The following SLC9A6 variants were observed in gnomAD, a reference collection of about 807,000 sequenced individuals.
SLC9A6 encodes the protein solute carrier family 9 member A6.
Under a neutral mutation model 45.3 loss-of-function variants are expected in SLC9A6, and 6 were observed. The ratio of observed to expected loss-of-function variants is 0.13; its 90% CI spans 0.07 to 0.26. The LOEUF (loss-of-function observed/expected upper bound fraction) is 0.26, where lower values mean the gene tolerates loss of function less well. Ranked by LOEUF, SLC9A6 falls within the 10% of genes least tolerant of loss-of-function variation. The pLI is 1.00. For synonymous variants in SLC9A6, 191 were observed against 187.7 expected (o/e 1.02, Z -0.14); for missense variants, 278 against 503.7 (o/e 0.55, Z 4.29).
intron 6 of SLC9A6, among the ~76,000 whole-genome samples, chrX:136,001,113 A>G (rs2089575070): frequency 9.0e-6 from 1 of 111,032 alleles, no homozygotes; most frequent in Admixed American, 9.6e-5. Context: ...AGACAGGTGG[A>G]TCATGAGGTC....
At chrX:135,974,105 T>C (rs868966291), upstream of SLC9A6, 1 of 4,837 alleles carries the variant, frequency 2.1e-4, no homozygotes, top group East Asian at 4.1e-3. Context: ...ACGGGCGGGG[T>C]GGGGAAGACG....
chrX:136,008,625 A>G (rs966407811), intron 7 of SLC9A6, among the ~76,000 whole-genome samples: 9 of 112,382 alleles, frequency 8.0e-5, no homozygotes, highest in Non-Finnish European at 1.3e-4. Flanking sequence ...GCTAAATAAG[A>G]ATTAGCATGC....
rs890872970 is a variant in SLC9A6 at position 136,045,114 on chromosome X, G to A, written c.*390G>A. 1 of 148,665 alleles carries A rather than the reference G, an allele frequency of 6.7e-6. No homozygotes were observed. The highest frequency in any genetic ancestry group is 1.8e-4 in the East Asian group (1 of 5,544). 12.3% of individuals were successfully genotyped at this position (148,665 alleles called of 1,213,427 possible). A position where few individuals can be genotyped will look rare whatever the true frequency, so the allele number is the denominator to read the frequency against. On this transcript the variant is annotated 3_prime_UTR_variant, in exon 18 of 18. Coordinates refer to ENST00000630721, the MANE Select transcript of SLC9A6 (RefSeq NM_001379110.1). Reference sequence around the variant, plus strand: ...TGTGTGCTAGGGGAGGGAGAGTGAGGAGGGAGTGTTATTTCCTTGGGAACC... The same window carrying A: ...TGTGTGCTAGGGGAGGGAGAGTGAGAAGGGAGTGTTATTTCCTTGGGAACC...
chrX:136,000,790 A>G (rs2089570042), intron 6 of SLC9A6, among the ~76,000 whole-genome samples: 1 of 111,396 alleles, frequency 9.0e-6, no homozygotes, highest in African/African-American at 3.3e-5. Context: ...TGGTATCAGT[A>G]TATTCCAGCT....
intron 2 of SLC9A6, among the ~76,000 whole-genome samples, chrX:135,993,241 A>G (rs2089457442): frequency 8.9e-6 from 1 of 111,823 alleles, no homozygotes; most frequent in African/African-American, 3.3e-5. Context: ...AGGTCCATAA[A>G]GAAAGAAAGT....
intron 2 of SLC9A6, among the ~76,000 whole-genome samples, chrX:135,988,819 G>A (rs2089386219): frequency 9.2e-6 from 1 of 108,654 alleles, no homozygotes; most frequent in African/African-American, 3.4e-5. Flanking sequence ...TTCCCATGTT[G>A]CCCAGGCTGG....
intron 10 of SLC9A6, among the ~76,000 whole-genome samples, chrX:136,015,485 T>C (rs782497512): frequency 1.8e-4 from 20 of 111,485 alleles, no homozygotes; most frequent in African/African-American, 6.5e-4. Flanking sequence ...AGGAGGAAGT[T>C]CCATAACTTC....
chrX:135,981,274 G>A (rs2089284358), upstream of SLC9A6, among the ~76,000 whole-genome samples: 3 of 111,335 alleles, frequency 2.7e-5, no homozygotes, highest in African/African-American at 9.8e-5. Flanking sequence ...TATGGCAGCA[G>A]GAAACAAAAA....
At chrX:136,029,043 A>T (rs1296203816) in intron 14 of SLC9A6, 68 bp downstream of exon 14, 2 of 283,233 alleles carry the variant, frequency 7.1e-6, no homozygotes, top group African/African-American at 5.6e-5. Flanking sequence ...GCAGATGCAC[A>T]GAGGAGAAAA....
At chrX:136,006,150 T>C (rs2089653213) in intron 7 of SLC9A6, among the ~76,000 whole-genome samples, 1 of 111,743 alleles carries the variant, frequency 8.9e-6, no homozygotes, top group African/African-American at 3.3e-5. Context: ...TTTTCTTAGT[T>C]TGAGGATTAT....
At chrX:136,006,211 C>G (rs782812193) in intron 7 of SLC9A6, among the ~76,000 whole-genome samples, 10 of 111,544 alleles carry the variant, frequency 9.0e-5, no homozygotes, top group African/African-American at 2.9e-4. Context: ...GGAGGGAACC[C>G]CTTTTTGAAG....
intron 13 of SLC9A6, among the ~76,000 whole-genome samples, chrX:136,025,152 T>G (rs1556620445): frequency 8.9e-6 from 1 of 112,590 alleles, no homozygotes; most frequent in East Asian, 2.8e-4. Flanking sequence ...TATTATCATT[T>G]TTCTCATCAG....
Position 135,985,534 on chromosome X carries a change from T to A in SLC9A6, c.-57+57T>A. On this transcript the variant is annotated intron_variant, in intron 1 of 17. Transcript: ENST00000630721. ...CGGCGCGGCTGGCGGCGGGCACCCC[T>A]CCGCCGTGGCGTCGGCAGCAGTCCC... The A allele has an allele frequency of 1.7e-6, 2 of 1,152,777 alleles. 1 individual carries two copies. Among genetic ancestry groups the A allele is most frequent in the Non-Finnish European group, 2.3e-6 (2 of 867,562 alleles).
At chrX:135,980,278 A>G (rs1350134886), upstream of SLC9A6, among the ~76,000 whole-genome samples, 3 of 108,889 alleles carry the variant, frequency 2.8e-5, no homozygotes, top group Admixed American at 9.9e-5. Context: ...CAGTGGTGCA[A>G]TCTCGGCTCA....
intron 16 of SLC9A6, among the ~76,000 whole-genome samples, chrX:136,036,517 A>G (rs2071415512): frequency 9.0e-6 from 1 of 111,292 alleles, no homozygotes; most frequent in Non-Finnish European, 1.9e-5. Flanking sequence ...AGTCTATTAC[A>G]TTTTGTTTAT....
intron 1 of SLC9A6, among the ~76,000 whole-genome samples, chrX:135,976,049 T>C (rs1354646232): frequency 3.7e-5 from 4 of 108,777 alleles, no homozygotes; most frequent in South Asian, 3.9e-4. Context: ...ACTTTACTTA[T>C]ATAATTTTTG....
At chrX:136,003,167 T>G (rs1174963103) in intron 7 of SLC9A6, among the ~76,000 whole-genome samples, 13 of 109,952 alleles carry the variant, frequency 1.2e-4, no homozygotes, top group Non-Finnish European at 1.9e-5. Context: ...TTTTGTATTT[T>G]TAGTAGAGAC....
At position 135,985,835 on chromosome X, in the gene SLC9A6, C is replaced by A. The variant is rs1556614867; in HGVS notation, c.169+8C>A. On this transcript the variant is annotated splice_region_variant and intron_variant, in intron 2 of 17. Coordinates refer to ENST00000630721, the MANE Select transcript of SLC9A6 (RefSeq NM_001379110.1). ...GCCTGGCTATGATTTATGGCAAGTTCCTCAACCCTTGTCAGCCCCTTGGCG... is the reference window on the plus strand; with the variant it reads ...GCCTGGCTATGATTTATGGCAAGTTACTCAACCCTTGTCAGCCCCTTGGCG... 8.3e-7 allele frequency: 1 copy of A among 1,210,614 alleles called. No homozygotes were observed. Among genetic ancestry groups the A allele is most frequent in the East Asian group, 3.0e-5 (1 of 33,820 alleles).
rs782219193 is a variant in SLC9A6 at position 136,022,708 on chromosome X, ACTTT to A, written c.1306+15_1306+18del. On this transcript the variant is annotated intron_variant, in intron 12 of 17. Coordinates refer to ENST00000630721, the MANE Select transcript of SLC9A6 (RefSeq NM_001379110.1). ...TGATGATGTTTGCTGGTAAGTTGTA[ACTTT>A]CTTCTCTTGCCCACTTCAAGCAACC... The A allele has an allele frequency of 9.2e-7, 1 of 1,090,723 alleles. No individual in the cohort carries two copies. Among genetic ancestry groups the A allele is most frequent in the Admixed American group, 2.2e-5 (1 of 45,268 alleles). 89.9% of individuals were successfully genotyped at this position (1,090,723 alleles called of 1,213,427 possible). A position where few individuals can be genotyped will look rare whatever the true frequency, so the allele number is the denominator to read the frequency against.
Sources: allele counts gnomAD v4.1 joint callset (sites outside exome capture counted in the v4.1 genomes callset), GRCh38; gene constraint gnomAD v4.1.1; transcripts MANE v1.5; gene names NCBI Gene and HGNC (gene_info 2026-07-23, HGNC 2026-07-21).